Variants in MAEL observed in about 807,000 individuals in gnomAD.
MAEL encodes protein maelstrom homolog.
MAEL carries 46 observed loss-of-function variants against 62.0 expected under a neutral mutation model. The ratio of observed to expected loss-of-function variants is 0.74; its 90% CI spans 0.59 to 0.95. MAEL has a LOEUF of 0.95. Ranked by LOEUF, MAEL falls within the 40% of genes least tolerant of loss-of-function variation. MAEL has a pLI of 0.00. For missense variants in MAEL, 497 were observed against 526.8 expected (o/e 0.94, Z 0.55); for synonymous variants, 172 against 175.5 (o/e 0.98, Z 0.16).
At chr1:166,992,316 T>C (rs905515949) in intron 3 of MAEL, among the ~76,000 whole-genome samples, 12 of 152,202 alleles carry the variant, frequency 7.9e-5, no homozygotes, top group African/African-American at 2.9e-4. Context: ...ACAATCTTTC[T>C]ACATTGATTC....
chr1:167,003,091 G>A (rs1664744640), intron 5 of MAEL, among the ~76,000 whole-genome samples: 1 of 152,020 alleles, frequency 6.6e-6, no homozygotes, highest in Admixed American at 6.6e-5. Flanking sequence ...GCATCTCTTT[G>A]GGGGAGAGTA....
At position 166,992,757 on chromosome 1, in the gene MAEL, C is replaced by A. The variant is rs182472064; in HGVS notation, c.397C>A (p.Arg133Ser). The A allele has an allele frequency of 1.3e-4, 216 of 1,611,450 alleles. No individual in the cohort carries two copies. The highest frequency in any genetic ancestry group is 6.2e-4 in the Admixed American group (37 of 59,630). Residue 133 changes from arginine to serine, a missense_variant, in exon 4 of 12, where the codon CGC becomes AGC. Arg to Ser is a moderately radical substitution (Grantham distance 110). Coordinates refer to ENST00000367872, the MANE Select transcript of MAEL (RefSeq NM_032858.3). ...HGELPPHCEQ[R>S]FLPCEIGCVK... ...CGAGCTACCTCCTCATTGTGAACAG[C>A]GCTTCCTCCCTTGTGAAATTGGCTG...
chr1:166,978,126 A>C (rs1663649912), intron 1 of MAEL, among the ~76,000 whole-genome samples: 1 of 152,138 alleles, frequency 6.6e-6, no homozygotes, highest in Non-Finnish European at 1.5e-5. Context: ...GAATCAGGAG[A>C]CTTGGAGAAG....
At chr1:166,998,728 T>C (rs576437840) in intron 5 of MAEL, among the ~76,000 whole-genome samples, 153 of 152,360 alleles carry the variant, frequency 1.0e-3, no homozygotes, top group South Asian at 1.7e-3. Flanking sequence ...TATTGCACTT[T>C]GCATATATTG....
chr1:167,017,950 G>C lies in MAEL; in HGVS notation c.1032G>C (p.Gly344=), dbSNP rs1485167601. 6.2e-7 allele frequency: 1 copy of C among 1,612,954 alleles called. No individual in the cohort carries two copies. Among genetic ancestry groups the C allele is most frequent in the Admixed American group, 1.7e-5 (1 of 59,914 alleles). Residue 344 remains glycine (G), a synonymous_variant, in exon 10 of 12, where the codon GGG becomes GGC. Transcript: ENST00000367872. ...VTPKMVVLDA[G]RYQKLRVGSS... The stretch of plus-strand genomic sequence containing the variant: ...CCAAAATGGTTGTATTGGATGCAGG[G>C]CGTTACCAGGTAAGGAACTGACTTT...
intron 1 of MAEL, among the ~76,000 whole-genome samples, chr1:166,981,081 C>T (rs1663746432): frequency 6.6e-6 from 1 of 152,138 alleles, no homozygotes; most frequent in South Asian, 2.1e-4. Flanking sequence ...CATGGAGCAC[C>T]ATGAAAAGAA....
intron 10 of MAEL, among the ~76,000 whole-genome samples, chr1:167,019,216 C>G (rs1353639454): frequency 6.6e-6 from 1 of 152,160 alleles, no homozygotes; most frequent in Non-Finnish European, 1.5e-5. Flanking sequence ...TGCTGTTAAG[C>G]ACTCTATCTA....
chr1:167,012,039 C>G (rs1307027714), intron 8 of MAEL, among the ~76,000 whole-genome samples: 1 of 152,066 alleles, frequency 6.6e-6, no homozygotes, highest in African/African-American at 2.4e-5. Context: ...CAGGATGGAT[C>G]TACTTTTTAT....
intron 5 of MAEL, among the ~76,000 whole-genome samples, chr1:166,998,733 A>G (rs759717423): frequency 1.3e-5 from 2 of 152,090 alleles, no homozygotes; most frequent in African/African-American, 2.4e-5. Flanking sequence ...CACTTTGCAT[A>G]TATTGCATTT....
At chr1:166,984,611 C>T (rs750476949), upstream of MAEL, among the ~76,000 whole-genome samples, 30 of 152,084 alleles carry the variant, frequency 2.0e-4, no homozygotes, top group African/African-American at 7.0e-4. Flanking sequence ...TAGAGCAATA[C>T]TCGAACCCCT....
intron 1 of MAEL, among the ~76,000 whole-genome samples, chr1:166,980,235 A>C (rs556012321): frequency 6.6e-6 from 1 of 152,034 alleles, no homozygotes; most frequent in Admixed American, 6.6e-5. Context: ...TATGTTGCCC[A>C]GTCTGGTCTC....
chr1:167,014,949 TG>T (rs1424320455), intron 8 of MAEL, among the ~76,000 whole-genome samples: 2 of 152,082 alleles, frequency 1.3e-5, no homozygotes, highest in Non-Finnish European at 2.9e-5. Context: ...ATTTGAACCC[TG>T]GAGGTGGAGG....
chr1:167,013,121 G>A (rs1665238621), intron 8 of MAEL, among the ~76,000 whole-genome samples: 1 of 152,260 alleles, frequency 6.6e-6, no homozygotes, highest in East Asian at 1.9e-4. Context: ...TGAGGTCCTG[G>A]TGAGGCATCA....
At chr1:166,991,599 T>TA (rs1308579037) in intron 3 of MAEL, 122 bp downstream of exon 3, 1 of 631,278 alleles carries the variant, frequency 1.6e-6, no homozygotes. Flanking sequence ...CTGCAAGTGT[T>TA]AAATATTGTG....
chr1:167,010,381 T>G (rs1023907026), intron 8 of MAEL, among the ~76,000 whole-genome samples: 2 of 152,054 alleles, frequency 1.3e-5, no homozygotes, highest in Non-Finnish European at 2.9e-5. Flanking sequence ...CATGTTTTTT[T>G]GGGGGGTGGG....
In MAEL at chr1:166,995,814, C is replaced by T. The variant is rs532942447; in HGVS notation, c.523+1745C>T. Among the ~76,000 whole-genome samples the T allele has an allele frequency of 3.9e-5, 6 of 152,320 alleles. No homozygotes were observed. The South Asian group carries it at 1.0e-3, about 26-fold the overall frequency. On this transcript the variant is annotated intron_variant, in intron 5 of 11. Transcript: ENST00000367872. The stretch of plus-strand genomic sequence containing the variant: ...ATGTGCCAGACATTCATTTCTGAGA[C>T]TGTCACTGGCTTACTGTTCCTTTGC...
chr1:166,993,025 G>T (rs570820389), intron 4 of MAEL, among the ~76,000 whole-genome samples, 184 bp downstream of exon 4: 1 of 152,056 alleles, frequency 6.6e-6, no homozygotes, highest in East Asian at 1.9e-4. Flanking sequence ...GGGTTTTTTG[G>T]TTTAGGCTTT....
intron 10 of MAEL, 23 bp from the exon 11 acceptor site, chr1:167,021,062 T>G: frequency 6.5e-7 from 1 of 1,548,972 alleles, no homozygotes; most frequent in African/African-American, 1.4e-5. Flanking sequence ...TTTTTCCCCC[T>G]GGTATTTTCC....
At chr1:166,997,801 AT>A (rs1386568933) in intron 5 of MAEL, among the ~76,000 whole-genome samples, 1 of 152,202 alleles carries the variant, frequency 6.6e-6, no homozygotes, top group African/African-American at 2.4e-5. Flanking sequence ...GGTTGTGAAA[AT>A]AATCTCTATT....
Sources: gnomAD v4.1 joint callset for allele counts (sites outside exome capture counted in the v4.1 genomes callset) on GRCh38, gnomAD v4.1.1 for gene constraint, MANE v1.5 for transcripts, NCBI Gene and HGNC (gene_info 2026-07-23, HGNC 2026-07-21) for gene names.